The following LRMDA variants were observed in gnomAD, a reference collection of about 807,000 sequenced individuals.
LRMDA encodes the protein leucine rich melanocyte differentiation associated.
In LRMDA, 18 loss-of-function variants were observed where a neutral mutation model predicts 29.8. That is an observed-to-expected ratio of 0.60 (90% CI 0.42 to 0.90). The LOEUF is 0.90. LRMDA is among the 40% of genes least tolerant of loss of function. The pLI, the probability that LRMDA is intolerant of heterozygous loss-of-function variation, is 0.00. For synonymous variants in LRMDA, 125 were observed against 109.4 expected (o/e 1.14, Z -0.89); for missense variants, 273 against 273.9 (o/e 1.00, Z 0.02).
At chr10:76,150,938 A>G (rs1013415880) in intron 5 of LRMDA, among the ~76,000 whole-genome samples, 8 of 152,050 alleles carry the variant, frequency 5.3e-5, no homozygotes, top group African/African-American at 1.9e-4. Context: ...GGGTGGCTTT[A>G]TTTAGCTTTG....
At chr10:76,087,677 C>A (rs187196040) in intron 5 of LRMDA, among the ~76,000 whole-genome samples, 3 of 152,086 alleles carry the variant, frequency 2.0e-5, no homozygotes, top group Admixed American at 6.5e-5. Context: ...AAGAGGGATC[C>A]GTGTCTGTTG....
intron 2 of LRMDA, among the ~76,000 whole-genome samples, chr10:75,868,232 G>A (rs1001955996): frequency 6.6e-5 from 10 of 152,126 alleles, no homozygotes; most frequent in Non-Finnish European, 1.2e-4. Flanking sequence ...GAGACAGAGT[G>A]GATGGGAATG....
chr10:76,079,894 G>A (rs956447544), intron 5 of LRMDA, among the ~76,000 whole-genome samples: 1 of 152,164 alleles, frequency 6.6e-6, no homozygotes, highest in African/African-American at 2.4e-5. Context: ...TTACCTGCCA[G>A]GAATTTGGTA....
chr10:76,386,962 C>T (rs1281069036), intron 6 of LRMDA, among the ~76,000 whole-genome samples: 2 of 152,100 alleles, frequency 1.3e-5, no homozygotes, highest in East Asian at 1.9e-4. Flanking sequence ...TACTTAAAAA[C>T]TTAAAATGAA....
chr10:76,197,886 C>T (rs1423511210), intron 5 of LRMDA, among the ~76,000 whole-genome samples: 1 of 151,836 alleles, frequency 6.6e-6, no homozygotes, highest in East Asian at 1.9e-4. Context: ...CGCCACCACA[C>T]TCCAGCCTGG....
chr10:76,150,317 G>T (rs1257607726), intron 5 of LRMDA, among the ~76,000 whole-genome samples: 1 of 152,182 alleles, frequency 6.6e-6, no homozygotes, highest in Non-Finnish European at 1.5e-5. Context: ...CATCTGCTTT[G>T]TTTGACATCC....
chr10:76,216,561 A>G (rs1369079565), intron 5 of LRMDA, among the ~76,000 whole-genome samples: 4 of 152,044 alleles, frequency 2.6e-5, no homozygotes, highest in Non-Finnish European at 5.9e-5. Context: ...TTAATTTGTG[A>G]AGAGATATTC....
At chr10:76,297,313 G>T (rs1453768796) in intron 5 of LRMDA, among the ~76,000 whole-genome samples, 1 of 152,190 alleles carries the variant, frequency 6.6e-6, no homozygotes, top group Admixed American at 6.5e-5. Context: ...TCTTGTAAGA[G>T]GTATCTGAAG....
rs543472865 is a variant in LRMDA, at chr10:76,418,163, A to C, written c.601+93678A>C. 5.9e-5 allele frequency among the ~76,000 whole-genome samples: 9 copies of C among 152,260 alleles called. No individual in the cohort carries two copies. The South Asian group carries it at 6.2e-4, about 11-fold the overall frequency. On this transcript the variant is annotated intron_variant, in intron 6 of 6. Coordinates refer to ENST00000611255, the MANE Select transcript of LRMDA (RefSeq NM_001305581.2). ...ATGTGTCCTAATAATAACAACAACA[A>C]TGAAAAAAGATGATATTTTGATTGG...
chr10:76,069,674 G>A (rs1294699450), intron 5 of LRMDA, among the ~76,000 whole-genome samples: 1 of 149,868 alleles, frequency 6.7e-6, no homozygotes, highest in East Asian at 2.0e-4. Flanking sequence ...TTTAACTCTT[G>A]AGTGAAATTT....
At chr10:76,021,973 A>T (rs759101738) in intron 2 of LRMDA, among the ~76,000 whole-genome samples, 1 of 152,166 alleles carries the variant, frequency 6.6e-6, no homozygotes, top group Non-Finnish European at 1.5e-5. Context: ...AAAATGCATG[A>T]TATTATGGAA....
intron 5 of LRMDA, among the ~76,000 whole-genome samples, chr10:76,068,099 C>T (rs1316569983): frequency 2.6e-5 from 4 of 152,218 alleles, no homozygotes; most frequent in Non-Finnish European, 5.9e-5. Flanking sequence ...TTTGCAATTC[C>T]ATGGCTAAGG....
At chr10:75,797,641 A>G (rs1230537742) in intron 2 of LRMDA, among the ~76,000 whole-genome samples, 2 of 152,170 alleles carry the variant, frequency 1.3e-5, no homozygotes, top group Non-Finnish European at 2.9e-5. Context: ...GAAATAATAC[A>G]ATATGTGGTG....
chr10:76,387,232 T>C (rs1331313260), intron 6 of LRMDA, among the ~76,000 whole-genome samples: 1 of 152,186 alleles, frequency 6.6e-6, no homozygotes, highest in Non-Finnish European at 1.5e-5. Flanking sequence ...TGAAAGTAAT[T>C]CTTCATAGCC....
chr10:75,731,086 G>C (rs765742694), intron 2 of LRMDA, among the ~76,000 whole-genome samples: 10 of 152,206 alleles, frequency 6.6e-5, no homozygotes, highest in Non-Finnish European at 8.8e-5. Flanking sequence ...GTGTCTGTAT[G>C]AGGATGCTTG....
At chr10:76,002,880 G>A (rs1847584855) in intron 2 of LRMDA, among the ~76,000 whole-genome samples, 2 of 152,198 alleles carry the variant, frequency 1.3e-5, no homozygotes, top group Admixed American at 1.3e-4. Flanking sequence ...TTCTGGGCCT[G>A]GGGATGATTC....
chr10:75,768,606 G>T (rs777169147), intron 2 of LRMDA, among the ~76,000 whole-genome samples: 1 of 152,104 alleles, frequency 6.6e-6, no homozygotes, highest in Non-Finnish European at 1.5e-5. Context: ...GTATTTTTCT[G>T]GGTCTTGTTC....
intron 5 of LRMDA, among the ~76,000 whole-genome samples, chr10:76,273,571 C>G (rs2132324254): frequency 6.6e-6 from 1 of 152,236 alleles, no homozygotes; most frequent in Non-Finnish European, 1.5e-5. Flanking sequence ...ATAACTTGTA[C>G]TATTATGTAC....
intron 2 of LRMDA, among the ~76,000 whole-genome samples, chr10:75,660,702 A>C (rs570920466): frequency 6.6e-6 from 1 of 151,254 alleles, no homozygotes; most frequent in Non-Finnish European, 1.5e-5. Flanking sequence ...GGTGTTCACC[A>C]TGTTTTTTTT....
Sources: allele counts gnomAD v4.1 joint callset (sites outside exome capture counted in the v4.1 genomes callset), GRCh38; gene constraint gnomAD v4.1.1; transcripts MANE v1.5; gene names NCBI Gene and HGNC (gene_info 2026-07-23, HGNC 2026-07-21).